The following INIP variants were observed in gnomAD, a reference collection of about 807,000 sequenced individuals.
INIP encodes the protein SOSS complex subunit C.
INIP carries 9 observed loss-of-function variants against 14.0 expected under a neutral mutation model. That is an observed-to-expected ratio of 0.64 (90% confidence interval 0.39 to 1.12). INIP has a LOEUF of 1.12. Ranked by LOEUF, INIP falls within the 50% of genes most tolerant of loss-of-function variation. The pLI is 0.01. For synonymous variants in INIP, 37 were observed against 41.5 expected (o/e 0.89, Z 0.41); for missense variants, 78 against 122.7 (o/e 0.64, Z 1.72).
At chr9:112,708,680 T>A (rs1311702750) in intron 2 of INIP, among the ~76,000 whole-genome samples, 1 of 152,034 alleles carries the variant, frequency 6.6e-6, no homozygotes, top group Non-Finnish European at 1.5e-5. Flanking sequence ...AATCAAGATG[T>A]TGACAGGGCT....
intron 2 of INIP, among the ~76,000 whole-genome samples, chr9:112,695,466 G>A (rs1297857634): frequency 6.6e-6 from 1 of 151,952 alleles, no homozygotes; most frequent in Admixed American, 6.6e-5. Flanking sequence ...TCCTCTCCTT[G>A]GGAGAGGAGC....
chr9:112,690,603 A>G (rs539979324), intron 3 of INIP, among the ~76,000 whole-genome samples: 1 of 152,352 alleles, frequency 6.6e-6, no homozygotes, highest in African/African-American at 2.4e-5. Context: ...ACTTGGTTCA[A>G]TTATCAGTAG....
intron 2 of INIP, among the ~76,000 whole-genome samples, chr9:112,702,958 T>C (rs1371176885): frequency 6.6e-6 from 1 of 152,222 alleles, no homozygotes; most frequent in Non-Finnish European, 1.5e-5. Context: ...TGATTCAATA[T>C]TGTTTGTATG....
Position 112,710,030 on chromosome 9 carries a change from T to A in INIP, c.25+6431A>T, listed in dbSNP as rs572226021. Among the ~76,000 whole-genome samples the A allele has an allele frequency of 2.6e-5, 4 of 152,332 alleles. No homozygotes were observed. The South Asian group carries it at 8.3e-4, about 32-fold the overall frequency. ...TTTAAAAAGGTACAAATAGAAGAATTTTCAGATGCTATTTATGCATCACTG... is the reference window on the plus strand; with the variant it reads ...TTTAAAAAGGTACAAATAGAAGAATATTCAGATGCTATTTATGCATCACTG... On this transcript the variant is annotated intron_variant, in intron 2 of 4. Transcript: ENST00000374242.
chr9:112,703,463 A>G (rs1008618628), intron 2 of INIP, among the ~76,000 whole-genome samples: 10 of 152,304 alleles, frequency 6.6e-5, no homozygotes, highest in Non-Finnish European at 1.2e-4. Context: ...TCACATGTGT[A>G]ATACCAGCAC....
chr9:112,696,223 G>A (rs62575252), intron 2 of INIP, among the ~76,000 whole-genome samples: 11,153 of 152,036 alleles, frequency 0.073, 517 homozygotes, highest in South Asian at 0.11. Flanking sequence ...AGTTTTCTAA[G>A]CCTTCCAGGG....
At chr9:112,693,554 T>C (rs943856489) in intron 3 of INIP, among the ~76,000 whole-genome samples, 5 of 152,250 alleles carry the variant, frequency 3.3e-5, no homozygotes, top group Non-Finnish European at 7.3e-5. Flanking sequence ...ATAAGGTTTC[T>C]CCCTTGTGAT....
intron 2 of INIP, among the ~76,000 whole-genome samples, chr9:112,706,092 T>A (rs1295990090): frequency 1.3e-5 from 2 of 151,934 alleles, no homozygotes; most frequent in Non-Finnish European, 2.9e-5. Context: ...TAATGCAATA[T>A]GAAAAAGGTG....
intron 2 of INIP, among the ~76,000 whole-genome samples, chr9:112,701,570 C>A (rs2131299951): frequency 6.6e-6 from 1 of 152,206 alleles, no homozygotes; most frequent in South Asian, 2.1e-4. Context: ...TTAGAGGAAT[C>A]CAAAGGTGAG....
At chr9:112,699,176 A>G (rs1032673618) in intron 2 of INIP, among the ~76,000 whole-genome samples, 1 of 151,390 alleles carries the variant, frequency 6.6e-6, no homozygotes, top group African/African-American at 2.4e-5. Flanking sequence ...TTTTTTTTCC[A>G]GTTAGGTGTG....
intron 2 of INIP, among the ~76,000 whole-genome samples, chr9:112,702,146 T>C (rs552066275): frequency 6.6e-6 from 1 of 152,312 alleles, no homozygotes; most frequent in Admixed American, 6.5e-5. Flanking sequence ...CTAAATTTTG[T>C]CATGAGCAAA....
chr9:112,692,639 A>G (rs1056787730), intron 3 of INIP, among the ~76,000 whole-genome samples: 1 of 152,024 alleles, frequency 6.6e-6, no homozygotes, highest in African/African-American at 2.4e-5. Flanking sequence ...CCTATAATAA[A>G]GATCATCAAG....
intron 3 of INIP, among the ~76,000 whole-genome samples, 181 bp from the exon 4 acceptor site, chr9:112,689,798 G>A (rs190742406): frequency 6.6e-6 from 1 of 152,264 alleles, no homozygotes; most frequent in African/African-American, 2.4e-5. Flanking sequence ...GTTAAATCAA[G>A]CTAATTAACA....
At chr9:112,715,429 C>T (rs909273914) in intron 2 of INIP, among the ~76,000 whole-genome samples, 7 of 152,084 alleles carry the variant, frequency 4.6e-5, no homozygotes, top group Admixed American at 2.0e-4. Flanking sequence ...ACTTTATAAA[C>T]TTTTAAATTT....
intron 2 of INIP, among the ~76,000 whole-genome samples, chr9:112,715,681 G>A (rs1442190315): frequency 6.6e-6 from 1 of 151,764 alleles, no homozygotes; most frequent in African/African-American, 2.4e-5. Context: ...GTTGAGGCAG[G>A]AGGATTGCTT....
At chr9:112,701,521 T>G (rs1219222116) in intron 2 of INIP, among the ~76,000 whole-genome samples, 4 of 152,192 alleles carry the variant, frequency 2.6e-5, no homozygotes, top group Non-Finnish European at 4.4e-5. Context: ...GGTAAGATAA[T>G]TATGGGAAGA....
intron 2 of INIP, among the ~76,000 whole-genome samples, chr9:112,713,094 AC>A (rs1207194017): frequency 6.6e-6 from 1 of 152,240 alleles, no homozygotes; most frequent in African/African-American, 2.4e-5. Context: ...AAGAATGAAA[AC>A]AAAACAACTT....
chr9:112,702,210 C>T (rs959086907), intron 2 of INIP, among the ~76,000 whole-genome samples: 1 of 152,158 alleles, frequency 6.6e-6, no homozygotes, highest in Non-Finnish European at 1.5e-5. Flanking sequence ...GTATCAATTT[C>T]CCTCAAGATT....
At chr9:112,694,041 C>A in intron 3 of INIP, 90 bp downstream of exon 3, 1 of 807,338 alleles carries the variant, frequency 1.2e-6, no homozygotes. Context: ...CACCATTGCA[C>A]TCCAGCCTGG....
Sources: gnomAD v4.1 joint callset for allele counts (sites outside exome capture counted in the v4.1 genomes callset) on GRCh38, gnomAD v4.1.1 for gene constraint, MANE v1.5 for transcripts, NCBI Gene and HGNC (gene_info 2026-07-23, HGNC 2026-07-21) for gene names.